EIF4EBP2: variants seen among roughly 807,000 people sequenced by gnomAD.
EIF4EBP2 encodes eukaryotic translation initiation factor 4E binding protein 2, also known as eukaryotic translation initiation factor 4E-binding protein 2.
In EIF4EBP2, 5 loss-of-function variants were observed where a neutral mutation model predicts 10.3. The ratio of observed to expected loss-of-function variants is 0.48; its 90% CI spans 0.25 to 1.02. The LOEUF is 1.02. Ranked by LOEUF, EIF4EBP2 falls within the 50% of genes least tolerant of loss-of-function variation. EIF4EBP2 has a pLI of 0.15. For missense variants in EIF4EBP2, 188 were observed against 162.2 expected (o/e 1.16, Z -0.86); for synonymous variants, 67 against 61.1 (o/e 1.10, Z -0.45).
rs900152072 is a variant in EIF4EBP2, at chr10:70,405,555, T to C, written c.145+1009T>C. Among the ~76,000 whole-genome samples, 14 of 152,300 alleles carry C rather than the reference T, an allele frequency of 9.2e-5. No homozygotes were observed. In the East Asian group the frequency reaches 2.1e-3, roughly 23 times the overall value. On this transcript the variant is annotated intron_variant, in intron 1 of 2. Transcript: ENST00000373218. The stretch of plus-strand genomic sequence containing the variant: ...GGCCTCCTTTTTAACTTCAGAACTT[T>C]GTCTTCTTTTGGTGCTGGGGTGGCC...
chr10:70,421,907 G>A lies in EIF4EBP2; in HGVS notation c.*160G>A. ...TCCTCTGGGTGCCAAATGATGGGAAGATGAGCTTCATCTGACCATTTCTTC... is the reference window on the plus strand; with the variant it reads ...TCCTCTGGGTGCCAAATGATGGGAAAATGAGCTTCATCTGACCATTTCTTC... On this transcript the variant is annotated 3_prime_UTR_variant, in exon 3 of 3. Transcript: ENST00000373218. 1 of 630,146 alleles carries A rather than the reference G, an allele frequency of 1.6e-6. No homozygotes were observed. 39.0% of individuals were successfully genotyped at this position (630,146 alleles called of 1,614,324 possible). A position where few individuals can be genotyped will look rare whatever the true frequency, so the allele number is the denominator to read the frequency against.
In EIF4EBP2 at chr10:70,412,957, G is replaced by A. The variant is rs149885927; in HGVS notation, c.146-6957G>A. On this transcript the variant is annotated intron_variant, in intron 1 of 2. Coordinates refer to ENST00000373218, the MANE Select transcript of EIF4EBP2 (RefSeq NM_004096.5). Reference sequence around the variant, plus strand: ...ATGAAACTTCAACAATGTAAAAGAGGGTAAAATGCCAGTAGACAGCCACTT... The same window carrying A: ...ATGAAACTTCAACAATGTAAAAGAGAGTAAAATGCCAGTAGACAGCCACTT... Among the ~76,000 whole-genome samples the A allele has an allele frequency of 3.6e-3, 553 of 152,170 alleles. 1 individual carries two copies. The highest frequency in any genetic ancestry group is 6.8e-3 in the Middle Eastern group (2 of 294).
rs559955894 is a variant in EIF4EBP2, at chr10:70,423,853, TTTTG to T, written c.*2118_*2121del. The T allele has an allele frequency of 6.6e-5, 10 of 152,618 alleles. No individual in the cohort carries two copies. In the South Asian group the frequency reaches 8.3e-4, roughly 13 times the overall value. The allele number at this position is 152,618 out of a possible 1,614,324, so 9.5% of individuals were successfully genotyped here. A position where few individuals can be genotyped will look rare whatever the true frequency, so the allele number is the denominator to read the frequency against. On this transcript the variant is annotated 3_prime_UTR_variant, in exon 3 of 3. Transcript: ENST00000373218. ...AAAAATTGATAATCAGAAAAGTAAT[TTTTG>T]TTTGTTTGTTTAATGTATCCCTGTT...
In EIF4EBP2 at chr10:70,421,951, C is replaced by T; in HGVS notation, c.*204C>T. 1 of 568,826 alleles carries T rather than the reference C, an allele frequency of 1.8e-6. No homozygotes were observed. The highest frequency in any genetic ancestry group is 3.1e-6 in the Non-Finnish European group (1 of 317,872). The allele number at this position is 568,826 out of a possible 1,614,324, so 35.2% of individuals were successfully genotyped here. A position where few individuals can be genotyped will look rare whatever the true frequency, so the allele number is the denominator to read the frequency against. On this transcript the variant is annotated 3_prime_UTR_variant, in exon 3 of 3. Transcript: ENST00000373218. ...TTTCTTCTCCCTGTCTCCTGTTCCC[C>T]TTCCCAGTTAAACAGGTTAGATTGA...
intron 1 of EIF4EBP2, among the ~76,000 whole-genome samples, chr10:70,418,004 G>T (rs1564662749): frequency 1.3e-5 from 2 of 152,316 alleles, no homozygotes; most frequent in South Asian, 2.1e-4. Context: ...GGTGTTAAGG[G>T]TGTGCTATAC....
intron 1 of EIF4EBP2, among the ~76,000 whole-genome samples, chr10:70,411,204 C>T (rs933891569): frequency 1.3e-5 from 2 of 152,194 alleles, no homozygotes; most frequent in Non-Finnish European, 2.9e-5. Flanking sequence ...AAACCTCATA[C>T]CAATTAAACA....
intron 1 of EIF4EBP2, among the ~76,000 whole-genome samples, chr10:70,417,307 C>G (rs1845108135): frequency 6.6e-6 from 1 of 151,126 alleles, no homozygotes; most frequent in South Asian, 2.1e-4. Flanking sequence ...TATATAGAGA[C>G]AGAAAGTAGA....
rs1018877681 is a variant in EIF4EBP2, at chr10:70,423,980, T to C, written c.*2233T>C. ...AAGAAGCATGCTCAGGACCTCTTTG[T>C]ACCCCGGGGAGCCTGATTCTTTGGG... On this transcript the variant is annotated 3_prime_UTR_variant, in exon 3 of 3. Coordinates refer to ENST00000373218, the MANE Select transcript of EIF4EBP2 (RefSeq NM_004096.5). The C allele has an allele frequency of 5.9e-5, 9 of 152,238 alleles. No individual in the cohort carries two copies. The South Asian group carries it at 1.2e-3, about 21-fold the overall frequency. 9.4% of individuals were successfully genotyped at this position (152,238 alleles called of 1,614,324 possible).
intron 1 of EIF4EBP2, among the ~76,000 whole-genome samples, chr10:70,410,665 GA>G (rs1375664705): frequency 6.6e-6 from 1 of 152,228 alleles, no homozygotes; most frequent in African/African-American, 2.4e-5. Flanking sequence ...AAAAAGCAGA[GA>G]AAACACTTTC....
At chr10:70,412,548 A>G (rs1280767220) in intron 1 of EIF4EBP2, among the ~76,000 whole-genome samples, 3 of 152,168 alleles carry the variant, frequency 2.0e-5, no homozygotes, top group Non-Finnish European at 4.4e-5. Context: ...CATTTAAACT[A>G]AGGTACTTGG....
At chr10:70,407,635 C>G (rs1844985648) in intron 1 of EIF4EBP2, among the ~76,000 whole-genome samples, 1 of 151,996 alleles carries the variant, frequency 6.6e-6, no homozygotes, top group Non-Finnish European at 1.5e-5. Flanking sequence ...TTGAGTACAC[C>G]TCCCAGATGG....
Position 70,424,065 on chromosome 10 carries a change from A to G in EIF4EBP2, c.*2318A>G, listed in dbSNP as rs906491408. On this transcript the variant is annotated 3_prime_UTR_variant, in exon 3 of 3. Coordinates refer to ENST00000373218, the MANE Select transcript of EIF4EBP2 (RefSeq NM_004096.5). ...GCATCCTGTGGAATTTGACCCAACT[A>G]GCAGCTAGTCAGTCTGTCAGTGAGC... is the stretch of plus-strand genomic sequence containing the variant. 1 of 152,210 alleles carries G rather than the reference A, an allele frequency of 6.6e-6. No individual in the cohort carries two copies. Among genetic ancestry groups the G allele is most frequent in the Non-Finnish European group, 1.5e-5 (1 of 68,032 alleles). 9.4% of individuals were successfully genotyped at this position (152,210 alleles called of 1,614,324 possible).
intron 2 of EIF4EBP2, 150 bp from the exon 3 acceptor site, chr10:70,421,566 G>A (rs1845157660): frequency 1.4e-6 from 1 of 702,112 alleles, no homozygotes; most frequent in African/African-American, 1.8e-5. Flanking sequence ...ATTAAGACCA[G>A]CCAAAGCAAA....
rs971531816 is a variant in EIF4EBP2, at chr10:70,422,094, A to C, written c.*347A>C. On this transcript the variant is annotated 3_prime_UTR_variant, in exon 3 of 3. Coordinates refer to ENST00000373218, the MANE Select transcript of EIF4EBP2 (RefSeq NM_004096.5). ...CCTCATACCCTGTAATTTTGTCCCA[A>C]ATCAAATATCAACCTACCAACAACT... The C allele has an allele frequency of 5.6e-5, 14 of 250,390 alleles. No homozygotes were observed. Among genetic ancestry groups the C allele is most frequent in the African/African-American group, 3.1e-4 (14 of 45,760 alleles). 15.5% of individuals were successfully genotyped at this position (250,390 alleles called of 1,614,324 possible).
At position 70,421,890 on chromosome 10, in the gene EIF4EBP2, G is replaced by A; in HGVS notation, c.*143G>A. On this transcript the variant is annotated 3_prime_UTR_variant, in exon 3 of 3. Transcript: ENST00000373218. Reference sequence around the variant, plus strand: ...TCTCCACCTCCCCGTCTTCCTCTGGGTGCCAAATGATGGGAAGATGAGCTT... The same window carrying A: ...TCTCCACCTCCCCGTCTTCCTCTGGATGCCAAATGATGGGAAGATGAGCTT... 1 of 692,190 alleles carries A rather than the reference G, an allele frequency of 1.4e-6. No individual in the cohort carries two copies. The highest frequency in any genetic ancestry group is 2.5e-6 in the Non-Finnish European group (1 of 407,762). The allele number at this position is 692,190 out of a possible 1,614,324, so 42.9% of individuals were successfully genotyped here. A position where few individuals can be genotyped will look rare whatever the true frequency, so the allele number is the denominator to read the frequency against.
At chr10:70,415,085 G>T (rs367887266) in intron 1 of EIF4EBP2, among the ~76,000 whole-genome samples, 23 of 151,608 alleles carry the variant, frequency 1.5e-4, no homozygotes, top group African/African-American at 5.6e-4. Flanking sequence ...TTGAGCCCAG[G>T]AGGTGTAGGT....
chr10:70,406,846 G>A (rs932778157), intron 1 of EIF4EBP2, among the ~76,000 whole-genome samples: 1 of 152,088 alleles, frequency 6.6e-6, no homozygotes, highest in South Asian at 2.1e-4. Context: ...CTTTACTGTT[G>A]AGCTTGTATT....
At chr10:70,420,202 G>GT in intron 2 of EIF4EBP2, 103 bp downstream of exon 2, 1 of 1,253,414 alleles carries the variant, frequency 8.0e-7, no homozygotes, top group Non-Finnish European at 1.1e-6. Flanking sequence ...TTTGTTTTTT[G>GT]TTTTTTGTTT....
rs574961024 is a variant in EIF4EBP2, at chr10:70,428,307, C to T, written c.*6560C>T. 1.3e-5 allele frequency: 2 copies of T among 152,208 alleles called. No homozygotes were observed. Among genetic ancestry groups the T allele is most frequent in the East Asian group, 3.9e-4 (2 of 5,182 alleles). The allele number at this position is 152,208 out of a possible 1,614,324, so 9.4% of individuals were successfully genotyped here. A position where few individuals can be genotyped will look rare whatever the true frequency, so the allele number is the denominator to read the frequency against. ...AAAAAAAAAAATAGCCCTGCCCTGTCTTAGTGCCACTAACGGCCCAGTTCC... is the reference window on the plus strand; with the variant it reads ...AAAAAAAAAAATAGCCCTGCCCTGTTTTAGTGCCACTAACGGCCCAGTTCC... On this transcript the variant is annotated 3_prime_UTR_variant, in exon 3 of 3. Coordinates refer to ENST00000373218, the MANE Select transcript of EIF4EBP2 (RefSeq NM_004096.5).
Sources: allele counts gnomAD v4.1 joint callset (sites outside exome capture counted in the v4.1 genomes callset), GRCh38; gene constraint gnomAD v4.1.1; transcripts MANE v1.5; gene names NCBI Gene and HGNC (gene_info 2026-07-23, HGNC 2026-07-21).